The following ENG variants were observed in gnomAD, a reference collection of about 807,000 sequenced individuals.
The protein encoded by ENG is endoglin.
Under a neutral mutation model 71.0 loss-of-function variants are expected in ENG, and 17 were observed. That is an observed-to-expected ratio of 0.24 (90% CI 0.16 to 0.36). ENG has a LOEUF of 0.36. Ranked by LOEUF, ENG falls within the 10% of genes least tolerant of loss-of-function variation. The pLI, the probability that ENG is intolerant of heterozygous loss-of-function variation, is 1.00. For missense variants in ENG, 749 were observed against 868.3 expected (o/e 0.86, Z 1.73); for synonymous variants, 360 against 366.9 (o/e 0.98, Z 0.21).
At chr9:127,852,154 T>G (rs540246311) in intron 1 of ENG, among the ~76,000 whole-genome samples, 1 of 152,346 alleles carries the variant, frequency 6.6e-6, no homozygotes, top group East Asian at 1.9e-4. Context: ...TCTTTGCTCA[T>G]GGACACTTAG....
intron 2 of ENG, among the ~76,000 whole-genome samples, chr9:127,837,329 G>C (rs1216422220): frequency 2.6e-5 from 4 of 152,182 alleles, no homozygotes; most frequent in Non-Finnish European, 5.9e-5. Flanking sequence ...TAGATCCCAG[G>C]CTGCCTTCTG....
At chr9:127,829,654 G>A in intron 3 of ENG, 33 bp downstream of exon 3, 1 of 1,613,244 alleles carries the variant, frequency 6.2e-7, no homozygotes, top group African/African-American at 1.3e-5. Context: ...CATGGCCAGA[G>A]CCTCAGCCTG....
intron 7 of ENG, 133 bp from the exon 8 acceptor site, chr9:127,824,579 C>T (rs1830556853): frequency 2.5e-6 from 3 of 1,194,056 alleles, no homozygotes; most frequent in East Asian, 5.7e-5. Flanking sequence ...AGTGCAGTGG[C>T]ACGATCTTGG....
chr9:127,816,006 A>C lies in ENG; in HGVS notation c.1789T>G (p.Phe597Val). 1 of 1,610,858 alleles carries C rather than the reference A, an allele frequency of 6.2e-7. No individual in the cohort carries two copies. Among genetic ancestry groups the C allele is most frequent in the Admixed American group, 1.7e-5 (1 of 59,640 alleles). The change falls in exon 14 of 15, where the codon TTT (phenylalanine) becomes GTT (valine). Residue 597 changes from phenylalanine to valine, a missense_variant. Transcript: ENST00000373203. The part of the protein sequence containing the change: ...LVLPAVLGIT[F>V]GAFLIGALLT... ...AGGGCCCCGATGAGGAAGGCACCAA[A>C]GGTGATGCCCAGCACGGCGGGCAGG...
At chr9:127,816,693 C>A in intron 13 of ENG, 2 of 253,060 alleles carry the variant, frequency 7.9e-6, no homozygotes, top group South Asian at 5.0e-5. Flanking sequence ...GCCTCTGCCA[C>A]CAGTGTCGGG....
chr9:127,818,580 T>C (rs1830391243), intron 11 of ENG, 136 bp downstream of exon 11: 2 of 1,369,520 alleles, frequency 1.5e-6, no homozygotes, highest in African/African-American at 2.9e-5. Context: ...TCTCTGTCTC[T>C]CCCTCTCCCG....
intron 13 of ENG, chr9:127,816,265 C>T: frequency 1.5e-6 from 1 of 653,868 alleles, no homozygotes; most frequent in Non-Finnish European, 2.7e-6. Flanking sequence ...CTAGAGGGCC[C>T]AGCCAGGCCT....
intron 2 of ENG, among the ~76,000 whole-genome samples, chr9:127,839,144 C>T (rs951905170): frequency 2.0e-5 from 3 of 152,194 alleles, no homozygotes; most frequent in Non-Finnish European, 2.9e-5. Context: ...GCCCCTCCCT[C>T]CTCTACCTTC....
Position 127,824,290 on chromosome 9 carries a change from A to C in ENG, c.1134+14T>G, listed in dbSNP as rs1444445289. 1.2e-6 allele frequency: 2 copies of C among 1,614,068 alleles called. No individual in the cohort carries two copies. Among genetic ancestry groups the C allele is most frequent in the Non-Finnish European group, 1.7e-6 (2 of 1,179,946 alleles). ...CCATGTCATCCTGAGCCAGAGGGGC[A>C]GGAGTTCCCTTACCGCAACAAGCTC... is the stretch of plus-strand genomic sequence containing the variant. On this transcript the variant is annotated intron_variant, in intron 8 of 14. Transcript: ENST00000373203.
At chr9:127,828,904 G>A (rs1830693951) in intron 3 of ENG, among the ~76,000 whole-genome samples, 1 of 151,920 alleles carries the variant, frequency 6.6e-6, no homozygotes, top group African/African-American at 2.4e-5. Flanking sequence ...CCTACCCTCT[G>A]CTTTCTCTGT....
At position 127,848,062 on chromosome 9, in the gene ENG, C is replaced by A. The variant is rs189317752; in HGVS notation, c.68-4817G>T. ...TCTGTAACATGGGGATGAGGGTCAT[C>A]ATAACAGCTTCCCATGGAGTCGGCA... On this transcript the variant is annotated intron_variant, in intron 1 of 14. Coordinates refer to ENST00000373203, the MANE Select transcript of ENG (RefSeq NM_001114753.3). Among the ~76,000 whole-genome samples the A allele has an allele frequency of 3.3e-5, 5 of 152,318 alleles. No individual in the cohort carries two copies. The East Asian group carries it at 9.6e-4, about 29-fold the overall frequency.
intron 12 of ENG, 45 bp from the exon 13 acceptor site, chr9:127,817,248 G>A: frequency 1.2e-6 from 2 of 1,607,226 alleles, no homozygotes; most frequent in Non-Finnish European, 1.7e-6. Context: ...TTGGGAGGCG[G>A]CTTCCAGGTT....
Position 127,838,668 on chromosome 9 carries a change from T to G in ENG, c.219+4426A>C, listed in dbSNP as rs1318620928. Among the ~76,000 whole-genome samples, 2 of 152,100 alleles carry G rather than the reference T, an allele frequency of 1.3e-5. No homozygotes were observed. Among genetic ancestry groups the G allele is most frequent in the African/African-American group, 4.8e-5 (2 of 41,398 alleles). ...GCAGCCTGTGCATTTGTTAGGAGGA[T>G]AGCAGATCGGCCCAGTCAGCCTGAC... On this transcript the variant is annotated intron_variant, in intron 2 of 14. Coordinates refer to ENST00000373203, the MANE Select transcript of ENG (RefSeq NM_001114753.3). This position sits in a 1 kb window ranked among gnomAD's most constrained non-coding sequence, Gnocchi z 4.3.
At position 127,829,805 on chromosome 9, in the gene ENG, G is replaced by T. The variant is rs1413416433; in HGVS notation, c.242C>A (p.Thr81Asn). Residue 81 changes from threonine to asparagine, a missense_variant, in exon 3 of 15, where the codon ACT becomes AAT. Coordinates refer to ENST00000373203, the MANE Select transcript of ENG (RefSeq NM_001114753.3). ...GCCATTTTGCTTGGATGCCTGGAGA[G>T]TCAGCTCCAGCTGTGACGGGCCCTG... ...FPTGPSQLEL[T>N]LQASKQNGTW... 13 of 1,613,964 alleles carry T rather than the reference G, an allele frequency of 8.1e-6. No homozygotes were observed. The highest frequency in any genetic ancestry group is 1.3e-5 in the African/African-American group (1 of 74,918).
chr9:127,825,876 C>T lies in ENG; in HGVS notation c.524-16G>A. 1 of 1,575,612 alleles carries T rather than the reference C, an allele frequency of 6.3e-7. No individual in the cohort carries two copies. The highest frequency in any genetic ancestry group is 1.2e-5 in the South Asian group (1 of 86,070). ...GACCCCTGGGCTGCAGAGACACGCGCACCTCAGTCCCTTCCCTCAGCAGCC... is the reference window on the plus strand; with the variant it reads ...GACCCCTGGGCTGCAGAGACACGCGTACCTCAGTCCCTTCCCTCAGCAGCC... On this transcript the variant is annotated splice_polypyrimidine_tract_variant and intron_variant, in intron 4 of 14. Transcript: ENST00000373203.
In ENG at chr9:127,837,737, C is replaced by T. The variant is rs543384822; in HGVS notation, c.219+5357G>A. On this transcript the variant is annotated intron_variant, in intron 2 of 14. Coordinates refer to ENST00000373203, the MANE Select transcript of ENG (RefSeq NM_001114753.3). The stretch of plus-strand genomic sequence containing the variant: ...CCTTTCTTTTATTCTCTCTCCCTCC[C>T]GCCCTTATCCATCCATCCTCTCATC... 4.0e-5 allele frequency among the ~76,000 whole-genome samples: 6 copies of T among 148,732 alleles called. 1 individual carries two copies. In the South Asian group the frequency reaches 8.4e-4, roughly 21 times the overall value.
At chr9:127,853,443 A>G (rs1829081010) in intron 1 of ENG, among the ~76,000 whole-genome samples, 1 of 152,162 alleles carries the variant, frequency 6.6e-6, no homozygotes, top group African/African-American at 2.4e-5. Context: ...GGAGTGGGAC[A>G]TGGGGCTGGG....
intron 1 of ENG, among the ~76,000 whole-genome samples, chr9:127,848,504 G>A (rs1031774043): frequency 1.3e-5 from 2 of 152,126 alleles, no homozygotes; most frequent in Non-Finnish European, 2.9e-5. Flanking sequence ...GGCTGGTCTT[G>A]AATGCCTGGC....
rs760300639 is a variant in ENG, at chr9:127,824,978, A to G, written c.817-4T>C. ...TGAAGGAGTATTCTCCAGTGGTCTA[A>G]TGGTGGGGAGAGAGGCAGAACAGGG... On this transcript the variant is annotated splice_polypyrimidine_tract_variant and splice_region_variant and intron_variant, in intron 6 of 14. Coordinates refer to ENST00000373203, the MANE Select transcript of ENG (RefSeq NM_001114753.3). 1 of 1,612,384 alleles carries G rather than the reference A, an allele frequency of 6.2e-7. No homozygotes were observed. Among genetic ancestry groups the G allele is most frequent in the South Asian group, 1.1e-5 (1 of 90,858 alleles).
Sources: allele counts gnomAD v4.1 joint callset (sites outside exome capture counted in the v4.1 genomes callset), GRCh38; gene constraint gnomAD v4.1.1; non-coding constraint Gnocchi (gnomAD v3.1); transcripts MANE v1.5; gene names NCBI Gene and HGNC (gene_info 2026-07-23, HGNC 2026-07-21).